The following CSMD3 variants were observed in gnomAD, a reference collection of about 807,000 sequenced individuals.
CSMD3 encodes the protein CUB and Sushi multiple domains 3.
A neutral mutation model predicts 435.2 loss-of-function variants in CSMD3; 177 were observed. The observed-to-expected ratio is 0.41, with a 90% CI of 0.36 to 0.46. CSMD3 has a LOEUF of 0.46. Ranked by LOEUF, CSMD3 falls within the 20% of genes least tolerant of loss-of-function variation. CSMD3 has a pLI of 0.34. For missense variants in CSMD3, 4,265 were observed against 4,504.6 expected, an observed-to-expected ratio of 0.95 and a Z score of 1.52; for synonymous variants, 1,656 against 1,520.5, an observed-to-expected ratio of 1.09 and a Z score of -2.07.
intron 22 of CSMD3, among the ~76,000 whole-genome samples, chr8:112,607,001 C>T (rs1247241796): frequency 2.1e-5 from 2 of 94,190 alleles, no homozygotes; most frequent in Non-Finnish European, 4.4e-5. Flanking sequence ...AAAAGCTAAG[C>T]TCAAAGTTAG....
At chr8:113,118,051 A>G (rs1328511623) in intron 4 of CSMD3, among the ~76,000 whole-genome samples, 1 of 152,146 alleles carries the variant, frequency 6.6e-6, no homozygotes, top group Non-Finnish European at 1.5e-5. Flanking sequence ...TTCGTCCCCA[A>G]GTTCTTCCTA....
At chr8:113,056,335 C>T (rs146647147) in intron 5 of CSMD3, among the ~76,000 whole-genome samples, 1 of 152,288 alleles carries the variant, frequency 6.6e-6, no homozygotes, top group East Asian at 1.9e-4. Flanking sequence ...ACAGCAGAAA[C>T]TGATGCACCA....
intron 70 of CSMD3, among the ~76,000 whole-genome samples, chr8:112,226,686 T>C (rs1216871751): frequency 6.6e-6 from 1 of 152,150 alleles, no homozygotes; most frequent in Non-Finnish European, 1.5e-5. Flanking sequence ...GTCTAAAATA[T>C]ATAGAGAACT....
chr8:112,291,632 C>T lies in CSMD3; in HGVS notation c.8852G>A (p.Gly2951Glu). 6.2e-7 allele frequency: 1 copy of T among 1,611,608 alleles called. No individual in the cohort carries two copies. Among genetic ancestry groups the T allele is most frequent in the Non-Finnish European group, 8.5e-7 (1 of 1,178,124 alleles). ...TACCACAGTGCCGTAAGTAAAATTT[C>T]CATGTTCTATTTTACTTTCTCTTTT... ...NSKRESKIEHGNFTYGTVVFY... is the reference protein window; with the variant it reads ...NSKRESKIEHENFTYGTVVFY... The change falls in exon 56 of 71, where the codon GGA becomes GAA. Residue 2951 changes from glycine (G) to glutamate (E), a missense_variant. Physicochemically the swap from Gly to Glu is moderately conservative, Grantham distance 98 (BLOSUM62 -2). Around this residue, in one of 3 missense-constraint regions of CSMD3, gnomAD observed 3,255 missense variants for 3,380.2 expected, o/e 0.96. Coordinates refer to ENST00000297405, the MANE Select transcript of CSMD3 (RefSeq NM_198123.2).
chr8:112,516,964 TAAG>T, intron 28 of CSMD3, 67 bp downstream of exon 28: 1 of 1,227,448 alleles, frequency 8.1e-7, no homozygotes, highest in Non-Finnish European at 1.2e-6. Flanking sequence ...ATATGGTTCT[TAAG>T]AACAATACCA....
chr8:112,783,537 A>G (rs2078457414), intron 13 of CSMD3, among the ~76,000 whole-genome samples: 1 of 151,504 alleles, frequency 6.6e-6, no homozygotes, highest in African/African-American at 2.4e-5. Flanking sequence ...GGACGGAGGG[A>G]AGATTATAAA....
At chr8:112,714,200 C>T (rs76375769) in intron 13 of CSMD3, among the ~76,000 whole-genome samples, 1,794 of 150,912 alleles carry the variant, frequency 0.012, 39 homozygotes, top group African/African-American at 0.042. Flanking sequence ...CAGGCACACA[C>T]AGGCTCAAAA....
intron 1 of CSMD3, among the ~76,000 whole-genome samples, chr8:113,423,006 T>C (rs944986979): frequency 6.9e-6 from 1 of 145,398 alleles, no homozygotes; most frequent in African/African-American, 2.8e-5. Context: ...AAACAAAAAA[T>C]GTACTTATGT....
chr8:112,862,550 T>G (rs941291483), intron 10 of CSMD3, among the ~76,000 whole-genome samples: 4 of 151,896 alleles, frequency 2.6e-5, no homozygotes, highest in Non-Finnish European at 5.9e-5. Flanking sequence ...TTGAACAGAG[T>G]TGCAGCAGTT....
At chr8:112,825,747 A>G (rs1186159373) in intron 12 of CSMD3, among the ~76,000 whole-genome samples, 1 of 152,116 alleles carries the variant, frequency 6.6e-6, no homozygotes, top group African/African-American at 2.4e-5. Context: ...CACCTATCTG[A>G]TGCCAGTAGG....
chr8:113,204,831 A>G (rs2092753476), intron 3 of CSMD3, among the ~76,000 whole-genome samples: 1 of 152,114 alleles, frequency 6.6e-6, no homozygotes, highest in Admixed American at 6.6e-5. Context: ...TATACCCGAG[A>G]CTGGGCACTT....
intron 32 of CSMD3, among the ~76,000 whole-genome samples, chr8:112,415,126 A>G (rs1811767753): frequency 6.6e-6 from 1 of 152,234 alleles, no homozygotes; most frequent in Non-Finnish European, 1.5e-5. Context: ...TCTCCAGAGC[A>G]TGTCAGAGAC....
intron 5 of CSMD3, among the ~76,000 whole-genome samples, chr8:113,030,251 A>T (rs971947764): frequency 1.5e-4 from 23 of 150,540 alleles, no homozygotes; most frequent in African/African-American, 5.6e-4. Flanking sequence ...TTCCAACATC[A>T]TTCATTACAG....
At chr8:113,187,140 T>G (rs2092516349) in intron 3 of CSMD3, among the ~76,000 whole-genome samples, 1 of 147,206 alleles carries the variant, frequency 6.8e-6, no homozygotes, top group Non-Finnish European at 1.5e-5. Flanking sequence ...TTGCTGGGAG[T>G]TTTTTTTTTT....
chr8:113,318,720 T>A (rs2093927993), intron 1 of CSMD3, among the ~76,000 whole-genome samples: 1 of 151,946 alleles, frequency 6.6e-6, no homozygotes, highest in Non-Finnish European at 1.5e-5. Context: ...TCACTTAGCA[T>A]AATGTCCTCT....
At chr8:113,368,427 A>G (rs2094326876) in intron 1 of CSMD3, among the ~76,000 whole-genome samples, 1 of 152,148 alleles carries the variant, frequency 6.6e-6, no homozygotes, top group African/African-American at 2.4e-5. Context: ...CACTTAAGCA[A>G]TATTACAATG....
At chr8:112,254,692 A>G (rs745564925) in intron 62 of CSMD3, among the ~76,000 whole-genome samples, 2 of 152,090 alleles carry the variant, frequency 1.3e-5, no homozygotes, top group African/African-American at 2.4e-5. Context: ...GGGGTAGGGT[A>G]ATATTTCTTT....
Position 112,361,438 on chromosome 8 carries a change from C to T in CSMD3, c.6137-8904G>A, listed in dbSNP as rs190646204. On this transcript the variant is annotated intron_variant, in intron 38 of 70. Coordinates refer to ENST00000297405, the MANE Select transcript of CSMD3 (RefSeq NM_198123.2). ...TACTAATATTTATTTATAATCAAAA[C>T]GTATTATTTCCAATTCTGTTCACAA... Among the ~76,000 whole-genome samples the T allele has an allele frequency of 2.7e-4, 40 of 150,888 alleles. No individual in the cohort carries two copies. In the East Asian group the frequency reaches 5.7e-3, roughly 21 times the overall value.
Position 112,390,685 on chromosome 8 carries a change from C to A in CSMD3, c.5913G>T (p.Val1971=), listed in dbSNP as rs2129721328. The change falls in exon 36 of 71, where the codon GTG becomes GTT. Residue 1971 remains valine, a synonymous_variant. Transcript: ENST00000297405. ...NNLNCVWKIT[V]PEGAGIQVQV... ...TTACTTGAATGCCAGCTCCCTCTGGCACTGTGATCTTCCACACACAATTCA... is the reference window on the plus strand; with the variant it reads ...TTACTTGAATGCCAGCTCCCTCTGGAACTGTGATCTTCCACACACAATTCA... 1 of 1,613,506 alleles carries A rather than the reference C, an allele frequency of 6.2e-7. No individual in the cohort carries two copies. Among genetic ancestry groups the A allele is most frequent in the Non-Finnish European group, 8.5e-7 (1 of 1,179,434 alleles).
Sources: gnomAD v4.1 joint callset for allele counts (sites outside exome capture counted in the v4.1 genomes callset) on GRCh38, gnomAD v4.1.1 for gene constraint, gnomAD v4.1.1 regional missense constraint, MANE v1.5 for transcripts, NCBI Gene and HGNC (gene_info 2026-07-23, HGNC 2026-07-21) for gene names.